Variants in ZC3HAV1 observed in about 807,000 individuals in gnomAD.
The protein encoded by ZC3HAV1 is zinc finger CCCH-type containing, antiviral 1.
Under a neutral mutation model 86.6 loss-of-function variants are expected in ZC3HAV1, and 41 were observed. The ratio of observed to expected loss-of-function variants is 0.47; its 90% CI spans 0.37 to 0.61. ZC3HAV1 has a LOEUF of 0.61. Ranked by LOEUF, ZC3HAV1 falls within the 20% of genes least tolerant of loss-of-function variation. ZC3HAV1 has a pLI of 0.00. For missense variants in ZC3HAV1, 964 were observed against 1,141.1 expected (o/e 0.84, Z 2.24); for synonymous variants, 421 against 432.1 (o/e 0.97, Z 0.32).
rs765953746 is a variant in ZC3HAV1, at chr7:139,109,024, C to T, written c.308G>A (p.Arg103Gln). The change falls in exon 1 of 13, where the codon CGG (arginine) becomes CAG (glutamine). Residue 103 changes from arginine (R) to glutamine (Q), a missense_variant and splice_region_variant. Physicochemically the swap from Arg to Gln is conservative, Grantham distance 43. Transcript: ENST00000242351. ...CGCCCCTCCCTCCGGGTGCACTCACCGCTCGGACTGCGAATAGTTGCACCG... is the reference window on the plus strand; with the variant it reads ...CGCCCCTCCCTCCGGGTGCACTCACTGCTCGGACTGCGAATAGTTGCACCG... ...LGRCNYSQSE[R>Q]NLCKYSHEVL... 99 of 1,554,170 alleles carry T rather than the reference C, an allele frequency of 6.4e-5. 1 individual carries two copies. In the South Asian group the frequency reaches 1.1e-3, roughly 18 times the overall value.
intron 2 of ZC3HAV1, among the ~76,000 whole-genome samples, chr7:139,087,466 G>T (rs893116892): frequency 7.0e-6 from 1 of 143,148 alleles, no homozygotes; most frequent in African/African-American, 2.6e-5. Flanking sequence ...AGAGAGAGAG[G>T]GAGACAGAGA....
chr7:139,051,418 T>A (rs1816119407), intron 12 of ZC3HAV1, among the ~76,000 whole-genome samples: 1 of 151,498 alleles, frequency 6.6e-6, no homozygotes, highest in Non-Finnish European at 1.5e-5. Context: ...TTTTTTTTTT[T>A]TTTTTTGAGA....
chr7:139,050,205 G>C (rs1000558037), intron 12 of ZC3HAV1, among the ~76,000 whole-genome samples: 1 of 152,164 alleles, frequency 6.6e-6, no homozygotes, highest in African/African-American at 2.4e-5. Flanking sequence ...CTTTACTGTG[G>C]AGAAGCTTTT....
At position 139,079,737 on chromosome 7, in the gene ZC3HAV1, C is replaced by T; in HGVS notation, c.1204G>A (p.Gly402Ser). The change falls in exon 4 of 13, where the codon GGC (glycine) becomes AGC (serine). Residue 402 changes from glycine to serine, a missense_variant. By Grantham distance (56) the Gly-to-Ser change is moderately conservative (BLOSUM62 0). Transcript: ENST00000242351. The part of the protein sequence containing the change: ...QTPEAVTTRK[G>S]TGLLSSDYRI... ...TAGTCTGAGGAAAGCAAGCCTGTGC[C>T]CTTTCTGGTGGTCACAGCTTCAGGT... 1 of 1,614,160 alleles carries T rather than the reference C, an allele frequency of 6.2e-7. No individual in the cohort carries two copies. Among genetic ancestry groups the T allele is most frequent in the Non-Finnish European group, 8.5e-7 (1 of 1,180,032 alleles).
rs553288798 is a variant in ZC3HAV1, at chr7:139,089,969, G to C, written c.309-210C>G. 2.6e-5 allele frequency among the ~76,000 whole-genome samples: 4 copies of C among 151,766 alleles called. No individual in the cohort carries two copies. In the South Asian group the frequency reaches 8.3e-4, roughly 32 times the overall value. On this transcript the variant is annotated intron_variant, in intron 1 of 12. Coordinates refer to ENST00000242351, the MANE Select transcript of ZC3HAV1 (RefSeq NM_020119.4). Reference sequence around the variant, plus strand: ...AGTTTTGCTCTTGTCACCCAGGCTGGAGTGCAGTGGTGCAACCTCGGCTCA... The same window carrying C: ...AGTTTTGCTCTTGTCACCCAGGCTGCAGTGCAGTGGTGCAACCTCGGCTCA...
At chr7:139,094,976 G>A (rs905904188) in intron 1 of ZC3HAV1, among the ~76,000 whole-genome samples, 5 of 150,032 alleles carry the variant, frequency 3.3e-5, no homozygotes, top group South Asian at 2.1e-4. Context: ...ACAGTAACCC[G>A]AGTCTTTTTT....
At chr7:139,101,467 A>G (rs1223203601) in intron 1 of ZC3HAV1, among the ~76,000 whole-genome samples, 2 of 116,564 alleles carry the variant, frequency 1.7e-5, no homozygotes, top group African/African-American at 3.4e-5. Flanking sequence ...CCCGTCTGGG[A>G]TGTGAGGAGC....
chr7:139,076,843 G>T (rs1563132406), intron 5 of ZC3HAV1, among the ~76,000 whole-genome samples: 1 of 151,350 alleles, frequency 6.6e-6, no homozygotes, highest in African/African-American at 2.4e-5. Flanking sequence ...GGTGAGCCGA[G>T]ATCACCCCAC....
chr7:139,053,398 A>G, intron 12 of ZC3HAV1, 53 bp downstream of exon 12: 1 of 1,498,524 alleles, frequency 6.7e-7, no homozygotes, highest in Admixed American at 2.4e-5. Flanking sequence ...AGAAGCACAT[A>G]TAAAGCCCGA....
chr7:139,097,401 C>T (rs1817619954), intron 1 of ZC3HAV1, among the ~76,000 whole-genome samples: 1 of 63,862 alleles, frequency 1.6e-5, no homozygotes, highest in African/African-American at 8.2e-5. Flanking sequence ...ATTGGAACTC[C>T]ATATATATAT....
chr7:139,052,210 T>C (rs915241905), intron 12 of ZC3HAV1, among the ~76,000 whole-genome samples: 10 of 151,746 alleles, frequency 6.6e-5, no homozygotes, highest in African/African-American at 2.4e-4. Flanking sequence ...ACCTGCGCCA[T>C]GTTGGTGTGC....
intron 3 of ZC3HAV1, among the ~76,000 whole-genome samples, chr7:139,082,038 G>A (rs1336241107): frequency 6.6e-6 from 1 of 152,210 alleles, no homozygotes. Flanking sequence ...GCTAAGGTGG[G>A]TGGATCACTT....
At chr7:139,067,353 A>G (rs931040871) in intron 7 of ZC3HAV1, among the ~76,000 whole-genome samples, 3 of 152,064 alleles carry the variant, frequency 2.0e-5, no homozygotes, top group African/African-American at 4.8e-5. Flanking sequence ...GTTTCACTGT[A>G]TTGATCAGGC....
At chr7:139,101,470 T>G (rs1242716800) in intron 1 of ZC3HAV1, among the ~76,000 whole-genome samples, 2 of 112,940 alleles carry the variant, frequency 1.8e-5, no homozygotes, top group Non-Finnish European at 3.6e-5. Flanking sequence ...GTCTGGGATG[T>G]GAGGAGCGCC....
intron 1 of ZC3HAV1, among the ~76,000 whole-genome samples, chr7:139,099,960 A>G (rs902291753): frequency 1.3e-5 from 2 of 151,968 alleles, no homozygotes; most frequent in African/African-American, 4.8e-5. Context: ...AAAAGTAAAT[A>G]AATAAAATAA....
Position 139,057,734 on chromosome 7 carries a change from G to T in ZC3HAV1, c.2097-2439C>A, listed in dbSNP as rs1477762291. On this transcript the variant is annotated intron_variant, in intron 9 of 12. Coordinates refer to ENST00000242351, the MANE Select transcript of ZC3HAV1 (RefSeq NM_020119.4). ...TTTTGTTATTTTTAGTAGAGATGGG[G>T]TTTCACCGTGTTAGCCAGGATGGTC... Among the ~76,000 whole-genome samples the T allele has an allele frequency of 4.8e-5, 2 of 41,468 alleles. 1 individual carries two copies. Among genetic ancestry groups the T allele is most frequent in the African/African-American group, 2.4e-4 (2 of 8,230 alleles). The allele number at this position is 41,468 out of a possible 152,430, so 27.2% of individuals were successfully genotyped here. A position where few individuals can be genotyped will look rare whatever the true frequency, so the allele number is the denominator to read the frequency against.
intron 10 of ZC3HAV1, among the ~76,000 whole-genome samples, chr7:139,054,696 T>G (rs1301999433): frequency 6.6e-6 from 1 of 152,194 alleles, no homozygotes; most frequent in Admixed American, 6.5e-5. Context: ...ATGAGGTGCC[T>G]TGTAGCAGTT....
At chr7:139,052,661 GC>G (rs1486572369) in intron 12 of ZC3HAV1, among the ~76,000 whole-genome samples, 7 of 149,188 alleles carry the variant, frequency 4.7e-5, no homozygotes, top group African/African-American at 1.7e-4. Context: ...AGTGGCTCAT[GC>G]CTGAAATCCC....
At chr7:139,052,269 T>C (rs1816145053) in intron 12 of ZC3HAV1, among the ~76,000 whole-genome samples, 2 of 90,994 alleles carry the variant, frequency 2.2e-5, no homozygotes, top group Non-Finnish European at 4.2e-5. Flanking sequence ...CCTAATGCTA[T>C]CCCTCCCCCC....
Sources: allele counts gnomAD v4.1 joint callset (sites outside exome capture counted in the v4.1 genomes callset), GRCh38; gene constraint gnomAD v4.1.1; transcripts MANE v1.5; gene names NCBI Gene and HGNC (gene_info 2026-07-23, HGNC 2026-07-21).